Variants in MIDEAS observed in about 807,000 individuals in gnomAD.
The protein encoded by MIDEAS is mitotic deacetylase associated SANT domain protein.
MIDEAS carries 26 observed loss-of-function variants against 102.7 expected under a neutral mutation model. The observed-to-expected ratio is 0.25, with a 90% CI of 0.19 to 0.35. MIDEAS has a LOEUF of 0.35. Among genes scored for constraint, MIDEAS ranks in the 10% least tolerant of loss-of-function variants. The pLI is 1.00. For missense variants in MIDEAS, 1,231 were observed against 1,435.6 expected (o/e 0.86, Z 2.30); for synonymous variants, 585 against 591.0 (o/e 0.99, Z 0.15).
In MIDEAS at chr14:73,719,070, T is replaced by A. The variant is rs1183291899; in HGVS notation, c.3135-62A>T. ...CCCACCCGGGGGCCCCCAGCGCGGG[T>A]GCGCGAGGAGCCCCAGCCTTCACCT... On this transcript the variant is annotated intron_variant, in intron 12 of 12. Transcript: ENST00000423556. 3 of 1,446,340 alleles carry A rather than the reference T, an allele frequency of 2.1e-6. No homozygotes were observed. In the African/African-American group the frequency reaches 4.3e-5, roughly 21 times the overall value. The allele number at this position is 1,446,340 out of a possible 1,614,324, so 89.6% of individuals were successfully genotyped here.
At chr14:73,768,182 T>C (rs75424201) in intron 1 of MIDEAS, among the ~76,000 whole-genome samples, 22,305 of 151,960 alleles carry the variant, frequency 0.15, 2,674 homozygotes, top group East Asian at 0.67. Context: ...AATTAAAAAA[T>C]AAAAAATACA....
chr14:73,739,561 G>T lies in MIDEAS; in HGVS notation c.448C>A (p.His150Asn). 6 of 1,614,182 alleles carry T rather than the reference G, an allele frequency of 3.7e-6. No homozygotes were observed. Among genetic ancestry groups the T allele is most frequent in the Non-Finnish European group, 5.1e-6 (6 of 1,180,018 alleles). The change falls in exon 2 of 13, where the codon CAT becomes AAT. Residue 150 changes from histidine (H) to asparagine (N), a missense_variant. His to Asn is a moderately conservative substitution (Grantham distance 68, BLOSUM62 1). Around this residue, in one of 5 missense-constraint regions of MIDEAS, gnomAD observed 758 missense variants for 856.0 expected, o/e 0.89. Transcript: ENST00000423556. ...TAAGTCGGGACTCCCACTCCAGGATGCGGGCTCCCCTTGGTTGCACTGTAG... is the reference window on the plus strand; with the variant it reads ...TAAGTCGGGACTCCCACTCCAGGATTCGGGCTCCCCTTGGTTGCACTGTAG... ...SLYSATKGSP[H>N]PGVGVPTYYN...
chr14:73,733,867 A>G (rs558287019), intron 3 of MIDEAS, among the ~76,000 whole-genome samples: 78 of 151,812 alleles, frequency 5.1e-4, no homozygotes, highest in African/African-American at 1.8e-3. Flanking sequence ...GCTAATTTTT[A>G]TATTTTTAGT....
At position 73,723,787 on chromosome 14, in the gene MIDEAS, C is replaced by T. The variant is rs543397914; in HGVS notation, c.2575-940G>A. On this transcript the variant is annotated intron_variant, in intron 9 of 12. Transcript: ENST00000423556. ...GAAAAGTTGAGGGAAAAGGTCTGGG[C>T]ACCATCTACATCCAAAGCCAGCCCT... The T allele has an allele frequency of 3.3e-5, 5 of 152,338 alleles. No individual in the cohort carries two copies. In the South Asian group the frequency reaches 1.0e-3, roughly 32 times the overall value. The allele number at this position is 152,338 out of a possible 1,614,324, so 9.4% of individuals were successfully genotyped here.
At chr14:73,735,849 A>G (rs2053193261) in intron 3 of MIDEAS, among the ~76,000 whole-genome samples, 1 of 152,250 alleles carries the variant, frequency 6.6e-6, no homozygotes, top group Non-Finnish European at 1.5e-5. Context: ...TGTATCTCAT[A>G]ACTTTACTCA....
In MIDEAS at chr14:73,719,992, CAG is replaced by C. The variant is rs755874300; in HGVS notation, c.2938-493_2938-492del. Among the ~76,000 whole-genome samples the C allele has an allele frequency of 2.6e-5, 4 of 152,014 alleles. No individual in the cohort carries two copies. The East Asian group carries it at 5.9e-4, about 23-fold the overall frequency. ...GACAGCGCACTGCAGGGACACCAAA[CAG>C]GGCAAGGGCAGGGGTCAGAGTGCAG... is the stretch of plus-strand genomic sequence containing the variant. On this transcript the variant is annotated intron_variant, in intron 11 of 12. Transcript: ENST00000423556.
chr14:73,788,062 A>G (rs1227553687), upstream of MIDEAS, among the ~76,000 whole-genome samples: 1 of 152,102 alleles, frequency 6.6e-6, no homozygotes, highest in Admixed American at 6.5e-5. Context: ...CACCTTTAAG[A>G]TAAGTAGCAA....
chr14:73,737,433 G>A, intron 2 of MIDEAS, 136 bp from the exon 3 acceptor site: 1 of 970,624 alleles, frequency 1.0e-6, no homozygotes. Flanking sequence ...AGACCAGCCT[G>A]GGCAACATAG....
intron 1 of MIDEAS, among the ~76,000 whole-genome samples, chr14:73,753,180 G>C (rs2053442003): frequency 6.6e-6 from 1 of 152,216 alleles, no homozygotes; most frequent in Non-Finnish European, 1.5e-5. Context: ...TCCACAGAAG[G>C]GCCTCAGGGC....
chr14:73,775,997 C>T (rs1350394365), intron 1 of MIDEAS, among the ~76,000 whole-genome samples: 1 of 151,970 alleles, frequency 6.6e-6, no homozygotes, highest in Non-Finnish European at 1.5e-5. Flanking sequence ...AGCTTAGACA[C>T]CAGGCGCCTC....
chr14:73,738,904 GC>G lies in MIDEAS; in HGVS notation c.1104del (p.Gln369ArgfsTer36). On this transcript the variant is annotated frameshift_variant, in exon 2 of 13. Transcript: ENST00000423556. LOFTEE classifies it high-confidence loss of function. ...AGGAACAGGTTGCCAGTGGCCTCCT[GC>G]CCAGGCTGGGTGCCAGCCCCATCCA... ...SALDGAGTQP[G>X]QEATGNLFLH... 1 of 1,538,058 alleles carries G rather than the reference GC, an allele frequency of 6.5e-7. No homozygotes were observed. The highest frequency in any genetic ancestry group is 8.7e-7 in the Non-Finnish European group (1 of 1,143,942).
Position 73,718,650 on chromosome 14 carries a change from TG to T in MIDEAS, c.*192del. On this transcript the variant is annotated 3_prime_UTR_variant, in exon 13 of 13. Coordinates refer to ENST00000423556, the MANE Select transcript of MIDEAS (RefSeq NM_001367710.1). ...ACCAAATGCAAAGAGAGCTGGATCCTGGAGCCCTTAACGCTGCTCCCAGGGC... is the reference window on the plus strand; with the variant it reads ...ACCAAATGCAAAGAGAGCTGGATCCTGAGCCCTTAACGCTGCTCCCAGGGC... 2.0e-6 allele frequency: 1 copy of T among 494,868 alleles called. No homozygotes were observed. Among genetic ancestry groups the T allele is most frequent in the Non-Finnish European group, 3.2e-6 (1 of 309,558 alleles). 30.7% of individuals were successfully genotyped at this position (494,868 alleles called of 1,614,324 possible). A position where few individuals can be genotyped will look rare whatever the true frequency, so the allele number is the denominator to read the frequency against.
chr14:73,720,863 C>T (rs1326951494), intron 11 of MIDEAS, among the ~76,000 whole-genome samples: 1 of 152,180 alleles, frequency 6.6e-6, no homozygotes, highest in East Asian at 1.9e-4. Context: ...CTATGATTGT[C>T]ATTCCCATGG....
chr14:73,744,315 A>T (rs1207866139), intron 1 of MIDEAS, among the ~76,000 whole-genome samples: 1 of 152,160 alleles, frequency 6.6e-6, no homozygotes. Flanking sequence ...GACCAGGGCC[A>T]CTCACCAGTC....
chr14:73,752,370 G>A (rs1716019809), intron 1 of MIDEAS, among the ~76,000 whole-genome samples: 1 of 152,150 alleles, frequency 6.6e-6, no homozygotes, highest in Non-Finnish European at 1.5e-5. Context: ...TTCGTCTGGG[G>A]GAGGTAAAGC....
intron 3 of MIDEAS, among the ~76,000 whole-genome samples, chr14:73,731,880 G>A (rs767260975): frequency 6.6e-6 from 1 of 152,212 alleles, no homozygotes; most frequent in Non-Finnish European, 1.5e-5. Context: ...GAAAGTATCT[G>A]TAGTACAAAG....
At chr14:73,754,174 C>A (rs762811056) in intron 1 of MIDEAS, among the ~76,000 whole-genome samples, 1 of 152,250 alleles carries the variant, frequency 6.6e-6, no homozygotes, top group African/African-American at 2.4e-5. Context: ...CTGCTAGCAA[C>A]ACAGAAGGGC....
intron 1 of MIDEAS, among the ~76,000 whole-genome samples, chr14:73,768,726 T>C (rs2053613299): frequency 6.6e-6 from 1 of 152,176 alleles, no homozygotes; most frequent in South Asian, 2.1e-4. Flanking sequence ...CCTCAGGTGA[T>C]CTGCCAGTGT....
Position 73,739,492 on chromosome 14 carries a change from G to A in MIDEAS, c.517C>T (p.Pro173Ser). 1 of 1,612,354 alleles carries A rather than the reference G, an allele frequency of 6.2e-7. No individual in the cohort carries two copies. Among genetic ancestry groups the A allele is most frequent in the Non-Finnish European group, 8.5e-7 (1 of 1,179,006 alleles). ...EALKREKAGG[P>S]QLDRYVRPMM... is the part of the protein sequence containing the mutation. ...GGTCGCACATAGCGGTCCAGCTGTG[G>A]GCCCCCCGCTTTCTCCCGCTTCAGT... The change falls in exon 2 of 13, where the codon CCA becomes TCA. Residue 173 changes from proline (P) to serine (S), a missense_variant. Physicochemically the swap from Pro to Ser is moderately conservative, Grantham distance 74. Transcript: ENST00000423556.
Sources: gnomAD v4.1 joint callset for allele counts (sites outside exome capture counted in the v4.1 genomes callset) on GRCh38, gnomAD v4.1.1 for gene constraint, gnomAD v4.1.1 regional missense constraint, MANE v1.5 for transcripts, NCBI Gene and HGNC (gene_info 2026-07-23, HGNC 2026-07-21) for gene names.